TRAM2: variants seen among roughly 807,000 people sequenced by gnomAD.
The protein encoded by TRAM2 is translocating chain-associated membrane protein 2.
Under a neutral mutation model 51.0 loss-of-function variants are expected in TRAM2, and 12 were observed. The observed-to-expected ratio is 0.24, with a 90% CI of 0.15 to 0.38. The LOEUF (loss-of-function observed/expected upper bound fraction) is 0.38. Ranked by LOEUF, TRAM2 falls within the 10% of genes least tolerant of loss-of-function variation. The pLI, the probability that TRAM2 is intolerant of heterozygous loss-of-function variation, is 1.00. For synonymous variants in TRAM2, 175 were observed against 179.4 expected (o/e 0.98, Z 0.20); for missense variants, 361 against 462.0 (o/e 0.78, Z 2.00).
chr6:52,561,282 T>C (rs1363610246), intron 1 of TRAM2, among the ~76,000 whole-genome samples: 1 of 152,136 alleles, frequency 6.6e-6, no homozygotes, highest in East Asian at 1.9e-4. Flanking sequence ...CAGTTTTTTG[T>C]TCGTCTGTTT....
rs574160824 is a variant in TRAM2 at position 52,534,263 on chromosome 6, C to T, written c.184+1520G>A. On this transcript the variant is annotated intron_variant, in intron 2 of 10. Transcript: ENST00000182527. ...TGGCACGGTGGCGCATGCCTGTAAC[C>T]CCAGCTACTTGGGAGGCTGAGGCGG... 3.4e-5 allele frequency among the ~76,000 whole-genome samples: 5 copies of T among 149,238 alleles called. No individual in the cohort carries two copies. In the South Asian group the frequency reaches 1.1e-3, roughly 32 times the overall value.
intron 1 of TRAM2, among the ~76,000 whole-genome samples, chr6:52,560,078 T>C (rs1767473175): frequency 1.3e-5 from 2 of 151,888 alleles, no homozygotes; most frequent in African/African-American, 4.8e-5. Context: ...CCGTCTCTAT[T>C]AAAAATACAA....
intron 1 of TRAM2, among the ~76,000 whole-genome samples, chr6:52,570,101 A>G (rs1767652445): frequency 1.3e-5 from 2 of 152,218 alleles, no homozygotes; most frequent in South Asian, 2.1e-4. Context: ...TTAAACTTAT[A>G]AAATACAAAG....
intron 2 of TRAM2, among the ~76,000 whole-genome samples, chr6:52,529,081 T>C (rs1055141610): frequency 2.0e-5 from 3 of 151,996 alleles, no homozygotes; most frequent in African/African-American, 7.2e-5. Flanking sequence ...TTAGTAGAGA[T>C]GGGGTTTCAC....
chr6:52,543,540 T>TA (rs1314472535), intron 1 of TRAM2, among the ~76,000 whole-genome samples: 1 of 152,050 alleles, frequency 6.6e-6, no homozygotes, highest in African/African-American at 2.4e-5. Context: ...AATAATAACA[T>TA]AAAAAAGAAA....
intron 1 of TRAM2, among the ~76,000 whole-genome samples, chr6:52,564,377 G>A (rs1020659323): frequency 6.6e-6 from 1 of 152,068 alleles, no homozygotes; most frequent in Non-Finnish European, 1.5e-5. Context: ...AACCCTGCCT[G>A]CCAGTCCGGT....
intron 1 of TRAM2, among the ~76,000 whole-genome samples, chr6:52,572,043 T>C (rs976369661): frequency 6.6e-6 from 1 of 152,196 alleles, no homozygotes; most frequent in African/African-American, 2.4e-5. Flanking sequence ...TGCCCTTACA[T>C]CCCATAGGAT....
rs772225939 is a variant in TRAM2, at chr6:52,516,071, C to T, written c.346G>A (p.Glu116Lys). The change falls in exon 4 of 11, where the codon GAA (glutamate) becomes AAA (lysine). Residue 116 changes from glutamate to lysine, a missense_variant. Glu to Lys is a moderately conservative substitution (Grantham distance 56). Transcript: ENST00000182527. Reference sequence around the variant, plus strand: ...TGAAAGACGACCAGCTGTCCAGATTCATTGAACTTGCTGTGTTTGACTTTG... The same window carrying T: ...TGAAAGACGACCAGCTGTCCAGATTTATTGAACTTGCTGTGTTTGACTTTG... ...LSKVKHSKFN[E>K]SGQLVVFHFT... The T allele has an allele frequency of 6.2e-7, 1 of 1,614,078 alleles. No individual in the cohort carries two copies. The highest frequency in any genetic ancestry group is 2.2e-5 in the East Asian group (1 of 44,906).
intron 2 of TRAM2, among the ~76,000 whole-genome samples, chr6:52,521,701 A>AAAAAT (rs770042475): frequency 6.3e-4 from 95 of 151,102 alleles, no homozygotes; most frequent in South Asian, 1.9e-3. Flanking sequence ...TCCATCTCAA[A>AAAAAT]AAAATAAAAT....
chr6:52,506,702 G>A (rs952807875), intron 7 of TRAM2, among the ~76,000 whole-genome samples: 2 of 152,164 alleles, frequency 1.3e-5, no homozygotes, highest in Non-Finnish European at 2.9e-5. Flanking sequence ...CAAGGGCAGA[G>A]CTGGCATCAC....
At chr6:52,574,428 CAGA>C (rs1767730900) in intron 1 of TRAM2, among the ~76,000 whole-genome samples, 1 of 152,210 alleles carries the variant, frequency 6.6e-6, no homozygotes, top group South Asian at 2.1e-4. Flanking sequence ...GTGCCCAGCA[CAGA>C]AGAACACAAG....
At chr6:52,565,430 G>A (rs965977775) in intron 1 of TRAM2, among the ~76,000 whole-genome samples, 7 of 152,158 alleles carry the variant, frequency 4.6e-5, no homozygotes, top group Non-Finnish European at 1.0e-4. Flanking sequence ...TTCGGTTCCG[G>A]TATAAACACT....
chr6:52,502,812 A>C lies in TRAM2; in HGVS notation c.*385T>G. 5.1e-6 allele frequency: 1 copy of C among 196,690 alleles called. No individual in the cohort carries two copies. Among genetic ancestry groups the C allele is most frequent in the South Asian group, 1.1e-4 (1 of 9,006 alleles). 12.2% of individuals were successfully genotyped at this position (196,690 alleles called of 1,614,324 possible). A position where few individuals can be genotyped will look rare whatever the true frequency, so the allele number is the denominator to read the frequency against. On this transcript the variant is annotated 3_prime_UTR_variant, in exon 11 of 11. Coordinates refer to ENST00000182527, the MANE Select transcript of TRAM2 (RefSeq NM_012288.4). ...GCTCCCCTCCCATTGTAAAAATCAG[A>C]CAGAAAAATTGCAAGATAAGGTGAA...
intron 1 of TRAM2, among the ~76,000 whole-genome samples, chr6:52,554,746 A>T (rs138963915): frequency 6.1e-5 from 9 of 147,968 alleles, no homozygotes; most frequent in African/African-American, 2.2e-4. Context: ...AAGAAGTTAC[A>T]TTTCCACTTA....
intron 4 of TRAM2, among the ~76,000 whole-genome samples, chr6:52,511,403 T>C (rs894689935): frequency 6.6e-6 from 1 of 152,120 alleles, no homozygotes. Context: ...GCCAAGATAG[T>C]TTTTCAGTAG....
chr6:52,577,048 G>C lies in TRAM2; in HGVS notation c.-133C>G. On this transcript the variant is annotated 5_prime_UTR_variant, in exon 1 of 11. Transcript: ENST00000182527. The stretch of plus-strand genomic sequence containing the variant: ...TCCCACAGCCGCTCGCCCGCCCAGC[G>C]CGGAACAACTTCGGGGCCCGCCCCC... 9.4e-7 allele frequency: 1 copy of C among 1,058,708 alleles called. No individual in the cohort carries two copies. Among genetic ancestry groups the C allele is most frequent in the Non-Finnish European group, 1.2e-6 (1 of 846,970 alleles). The allele number at this position is 1,058,708 out of a possible 1,614,324, so 65.6% of individuals were successfully genotyped here. A position where few individuals can be genotyped will look rare whatever the true frequency, so the allele number is the denominator to read the frequency against.
At chr6:52,576,065 A>T (rs997070555) in intron 1 of TRAM2, among the ~76,000 whole-genome samples, 1 of 152,040 alleles carries the variant, frequency 6.6e-6, no homozygotes, top group African/African-American at 2.4e-5. Flanking sequence ...TAAGAGAATC[A>T]ACTTTCCCCA....
rs1766537552 is a variant in TRAM2 at position 52,515,835 on chromosome 6, AAAC to A, written c.411+168_411+170del. 2.6e-5 allele frequency: 17 copies of A among 646,628 alleles called. No individual in the cohort carries two copies. In the Middle Eastern group the frequency reaches 1.7e-3, roughly 64 times the overall value. The allele number at this position is 646,628 out of a possible 1,614,324, so 40.1% of individuals were successfully genotyped here. ...TCTCTCTGTAATACCATGAGGATGC[AAAC>A]ATAGCTTCAGTTCTAAGAAGCTAAG... On this transcript the variant is annotated intron_variant, in intron 4 of 10. Transcript: ENST00000182527.
At chr6:52,570,227 CTT>C (rs775765729) in intron 1 of TRAM2, among the ~76,000 whole-genome samples, 9 of 152,182 alleles carry the variant, frequency 5.9e-5, no homozygotes, top group Non-Finnish European at 8.8e-5. Flanking sequence ...CAGGCAGTAA[CTT>C]TACTAGCAGG....
Sources: allele counts gnomAD v4.1 joint callset (sites outside exome capture counted in the v4.1 genomes callset), GRCh38; gene constraint gnomAD v4.1.1; transcripts MANE v1.5; gene names NCBI Gene and HGNC (gene_info 2026-07-23, HGNC 2026-07-21).